The following MAF variants were observed in gnomAD, a reference collection of about 807,000 sequenced individuals.
The protein encoded by MAF is MAF bZIP transcription factor, also known as transcription factor Maf.
A neutral mutation model predicts 22.0 loss-of-function variants in MAF; 10 were observed. The ratio of observed to expected loss-of-function variants is 0.45; its 90% CI spans 0.28 to 0.77. The LOEUF (loss-of-function observed/expected upper bound fraction) is 0.77. MAF is among the 30% of genes least tolerant of loss of function. MAF has a pLI of 0.12. For synonymous variants in MAF, 337 were observed against 255.8 expected (o/e 1.32, Z -3.03); for missense variants, 544 against 548.4 (o/e 0.99, Z 0.08).
At chr16:79,480,985 C>G in the MAF span, among the ~76,000 whole-genome samples, 2 of 152,160 alleles carry the variant, frequency 1.3e-5, no homozygotes, top group African/African-American at 4.8e-5. Context: ...CCCAACTCCA[C>G]GTCCCCTCGC....
the MAF span, among the ~76,000 whole-genome samples, chr16:79,496,893 C>T: frequency 6.6e-6 from 1 of 151,972 alleles, no homozygotes; most frequent in Non-Finnish European, 1.5e-5. Context: ...TTATTTTTTT[C>T]CTTGCAAGTT....
chr16:79,567,080 G>T, the MAF span, among the ~76,000 whole-genome samples: 1 of 152,370 alleles, frequency 6.6e-6, no homozygotes, highest in African/African-American at 2.4e-5. Flanking sequence ...AGCACTTTGG[G>T]AGGCTAAGGC....
chr16:79,234,643 A>G, the MAF span, among the ~76,000 whole-genome samples: 2 of 152,078 alleles, frequency 1.3e-5, no homozygotes, highest in South Asian at 4.1e-4. Context: ...GGAAATGCAA[A>G]CTGGCCAAGC....
chr16:79,332,819 T>C, the MAF span, among the ~76,000 whole-genome samples: 1 of 152,192 alleles, frequency 6.6e-6, no homozygotes, highest in African/African-American at 2.4e-5. Flanking sequence ...TAAGCCTGTC[T>C]CCAAAGCCAG....
In MAF at chr16:79,593,965, C is replaced by T. The variant is rs879913335; in HGVS notation, c.*495G>A. 1 of 211,610 alleles carries T rather than the reference C, an allele frequency of 4.7e-6. No homozygotes were observed. The highest frequency in any genetic ancestry group is 9.6e-6 in the Non-Finnish European group (1 of 103,712). 13.1% of individuals were successfully genotyped at this position (211,610 alleles called of 1,614,324 possible). A position where few individuals can be genotyped will look rare whatever the true frequency, so the allele number is the denominator to read the frequency against. On this transcript the variant is annotated 3_prime_UTR_variant, in exon 2 of 2. Coordinates refer to ENST00000326043, the MANE Select transcript of MAF (RefSeq NM_005360.5). ...GGGCCTACGAGAAAACCAGGGGGCT[C>T]GGCTCCGCTGGAGCCTCTGCCCGTG...
In MAF at chr16:79,597,851, G is replaced by C. The variant is rs189125015; in HGVS notation, c.1118+934C>G. 7 of 1,027,954 alleles carry C rather than the reference G, an allele frequency of 6.8e-6. No homozygotes were observed. The East Asian group carries it at 4.3e-4, about 64-fold the overall frequency. 63.7% of individuals were successfully genotyped at this position (1,027,954 alleles called of 1,614,324 possible). A position where few individuals can be genotyped will look rare whatever the true frequency, so the allele number is the denominator to read the frequency against. On this transcript the variant is annotated intron_variant, in intron 1 of 1. Transcript: ENST00000326043. Reference sequence around the variant, plus strand: ...TCTTTTCCATAAAGTCTTTGAAACAGTTATAGTTCATTGTTGCTAAGACAA... The same window carrying C: ...TCTTTTCCATAAAGTCTTTGAAACACTTATAGTTCATTGTTGCTAAGACAA...
At chr16:79,568,407 T>C in the MAF span, among the ~76,000 whole-genome samples, 509 of 152,316 alleles carry the variant, frequency 3.3e-3, 4 homozygotes, top group African/African-American at 0.012. Flanking sequence ...TGGGAAGGCC[T>C]GTAGGGAGCC....
the MAF span, among the ~76,000 whole-genome samples, chr16:79,276,755 G>A: frequency 6.6e-6 from 1 of 152,130 alleles, no homozygotes; most frequent in African/African-American, 2.4e-5. Flanking sequence ...CATTTCCTGG[G>A]ATTGCCTAAC....
the MAF span, among the ~76,000 whole-genome samples, chr16:79,444,959 G>A: frequency 1.4e-4 from 22 of 152,184 alleles, no homozygotes; most frequent in Non-Finnish European, 2.9e-4. Flanking sequence ...GTATGTGAGA[G>A]TGGAGTTCAG....
At chr16:79,392,327 G>C in the MAF span, among the ~76,000 whole-genome samples, 9 of 148,980 alleles carry the variant, frequency 6.0e-5, no homozygotes, top group Admixed American at 5.4e-4. Flanking sequence ...GGGAGGAGGA[G>C]GGGAGAGGAG....
the MAF span, among the ~76,000 whole-genome samples, chr16:79,478,612 C>G: frequency 6.6e-6 from 1 of 152,168 alleles, no homozygotes; most frequent in East Asian, 1.9e-4. Flanking sequence ...CACACAATCA[C>G]TTGTGTACTA....
chr16:79,396,002 G>A, the MAF span, among the ~76,000 whole-genome samples: 1 of 152,182 alleles, frequency 6.6e-6, no homozygotes, highest in East Asian at 1.9e-4. Context: ...GCTCTCCAAG[G>A]GGAAGCTTTT....
chr16:79,262,486 A>T, the MAF span, among the ~76,000 whole-genome samples: 1 of 152,164 alleles, frequency 6.6e-6, no homozygotes, highest in South Asian at 2.1e-4. Context: ...TGTTAGGTCA[A>T]GGGCCTCGGG....
At chr16:79,219,170 C>T in the MAF span, among the ~76,000 whole-genome samples, 1 of 152,176 alleles carries the variant, frequency 6.6e-6, no homozygotes, top group East Asian at 1.9e-4. Flanking sequence ...CTCTCCATGG[C>T]TCATTCAGAT....
At chr16:79,301,151 C>A in the MAF span, among the ~76,000 whole-genome samples, 1 of 152,098 alleles carries the variant, frequency 6.6e-6, no homozygotes, top group South Asian at 2.1e-4. Context: ...AGAAACAAGT[C>A]GGGTCCTCAG....
At chr16:79,317,575 C>T in the MAF span, among the ~76,000 whole-genome samples, 4 of 151,912 alleles carry the variant, frequency 2.6e-5, no homozygotes, top group East Asian at 3.9e-4. Context: ...TCTTTACTTC[C>T]GCCCTTCCTT....
chr16:79,263,245 C>T, the MAF span, among the ~76,000 whole-genome samples: 1 of 152,160 alleles, frequency 6.6e-6, no homozygotes, highest in African/African-American at 2.4e-5. Context: ...TTGGCCAAGT[C>T]ATTGCAACTT....
chr16:79,467,344 G>C, the MAF span, among the ~76,000 whole-genome samples: 12 of 152,320 alleles, frequency 7.9e-5, no homozygotes, highest in South Asian at 2.3e-3. Flanking sequence ...ATGGGAATCT[G>C]CAAGGGGGCA....
At chr16:79,350,435 T>C in the MAF span, among the ~76,000 whole-genome samples, 10 of 152,322 alleles carry the variant, frequency 6.6e-5, no homozygotes, top group South Asian at 1.7e-3. Flanking sequence ...AATGACACCA[T>C]TGCAGATCCT....
Sources: gnomAD v4.1 joint callset for allele counts (sites outside exome capture counted in the v4.1 genomes callset) on GRCh38, gnomAD v4.1.1 for gene constraint, MANE v1.5 for transcripts, NCBI Gene and HGNC (gene_info 2026-07-23, HGNC 2026-07-21) for gene names.